The following NTM variants were observed in gnomAD, a reference collection of about 807,000 sequenced individuals.
The protein encoded by NTM is neurotrimin.
A neutral mutation model predicts 42.1 loss-of-function variants in NTM; 13 were observed. That is an observed-to-expected ratio of 0.31 (90% CI 0.20 to 0.49). NTM has a LOEUF of 0.49. Ranked by LOEUF, NTM falls within the 20% of genes least tolerant of loss-of-function variation. The pLI is 0.99. For missense variants in NTM, 373 were observed against 452.8 expected (o/e 0.82, Z 1.60); for synonymous variants, 187 against 179.2 (o/e 1.04, Z -0.35).
At chr11:132,121,772 T>TTC (rs1448011143) in intron 2 of NTM, among the ~76,000 whole-genome samples, 1 of 152,212 alleles carries the variant, frequency 6.6e-6, no homozygotes, top group African/African-American at 2.4e-5. Context: ...GCCAATAGTT[T>TTC]TCATGCATAA....
chr11:132,233,601 T>C, intron 4 of NTM, among the ~76,000 whole-genome samples: 1 of 152,222 alleles, frequency 6.6e-6, no homozygotes, highest in East Asian at 1.9e-4. Context: ...TGTCTCTAAA[T>C]AAAGTTTTAT....
intron 1 of NTM, among the ~76,000 whole-genome samples, chr11:131,886,541 T>C (rs1036433): frequency 0.46 from 70,224 of 152,216 alleles, 17,074 homozygotes; most frequent in East Asian, 0.82. Context: ...TAACTGGGTC[T>C]GAGGCACGCC....
At chr11:132,243,175 C>A (rs1591490422) in intron 4 of NTM, among the ~76,000 whole-genome samples, 2 of 152,258 alleles carry the variant, frequency 1.3e-5, no homozygotes, top group Admixed American at 6.5e-5. Context: ...AGAGCTCTTA[C>A]TAACAAATTA....
chr11:131,400,307 TCTG>T (rs1235517030), intron 1 of NTM, among the ~76,000 whole-genome samples: 3 of 152,200 alleles, frequency 2.0e-5, no homozygotes, highest in African/African-American at 7.2e-5. Flanking sequence ...TTGTGAGGGC[TCTG>T]CTGGGGCTTT....
chr11:132,164,626 C>A (rs115660427), intron 3 of NTM, among the ~76,000 whole-genome samples: 1 of 152,020 alleles, frequency 6.6e-6, no homozygotes, highest in African/African-American at 2.4e-5. Context: ...TGAGGTAGAA[C>A]CAGCATCTAA....
chr11:132,171,175 C>T (rs2076061114), intron 3 of NTM, among the ~76,000 whole-genome samples: 1 of 152,148 alleles, frequency 6.6e-6, no homozygotes, highest in African/African-American at 2.4e-5. Flanking sequence ...GCTGACTTTT[C>T]CCCAGGGCAG....
chr11:131,610,386 G>A (rs2061369901), intron 1 of NTM, among the ~76,000 whole-genome samples: 1 of 152,154 alleles, frequency 6.6e-6, no homozygotes, highest in South Asian at 2.1e-4. Context: ...TTGTTCCTGG[G>A]GCTTTTATTG....
chr11:131,910,162 A>G (rs942565140), intron 1 of NTM: 1 of 152,222 alleles, frequency 6.6e-6, no homozygotes, highest in East Asian at 1.9e-4. Context: ...CGGGTGCTGT[A>G]CTACTGAATA....
chr11:131,636,874 C>T (rs758311515), intron 1 of NTM, among the ~76,000 whole-genome samples: 2 of 152,162 alleles, frequency 1.3e-5, no homozygotes, highest in Admixed American at 6.5e-5. Context: ...TCCTTAACTC[C>T]TCTCCGCTTG....
chr11:131,816,533 G>T (rs1360500599), intron 1 of NTM, among the ~76,000 whole-genome samples: 1 of 122,658 alleles, frequency 8.2e-6, no homozygotes, highest in South Asian at 2.5e-4. Flanking sequence ...CAAGTTCATT[G>T]AATATTAAAG....
chr11:131,797,570 C>A (rs868474624), intron 1 of NTM, among the ~76,000 whole-genome samples: 7 of 152,122 alleles, frequency 4.6e-5, no homozygotes, highest in Non-Finnish European at 8.8e-5. Context: ...CTTTTATGTT[C>A]TTTTGCTGAT....
At chr11:131,983,495 C>T (rs1186866658) in intron 2 of NTM, among the ~76,000 whole-genome samples, 3 of 151,032 alleles carry the variant, frequency 2.0e-5, no homozygotes, top group Non-Finnish European at 4.4e-5. Context: ...CCTACATCAG[C>T]CTCCCAAGTA....
chr11:131,431,381 T>A (rs938737258), intron 1 of NTM, among the ~76,000 whole-genome samples: 3 of 152,236 alleles, frequency 2.0e-5, no homozygotes, highest in Admixed American at 2.0e-4. Context: ...TTAGTTGAGT[T>A]GGTGGGTGGA....
chr11:131,468,055 G>A (rs1187423882), intron 1 of NTM, among the ~76,000 whole-genome samples: 1 of 152,244 alleles, frequency 6.6e-6, no homozygotes, highest in African/African-American at 2.4e-5. Context: ...GGAAAGGGAT[G>A]ACGTAGGGTC....
intron 1 of NTM, among the ~76,000 whole-genome samples, chr11:131,545,385 T>C (rs931773537): frequency 4.6e-5 from 7 of 152,166 alleles, no homozygotes; most frequent in Non-Finnish European, 8.8e-5. Flanking sequence ...CTCTCAGCTT[T>C]CTCATTCTCT....
intron 1 of NTM, among the ~76,000 whole-genome samples, chr11:131,735,495 C>G (rs1167338127): frequency 6.6e-6 from 1 of 152,124 alleles, no homozygotes; most frequent in East Asian, 1.9e-4. Context: ...TGTGAAAAAC[C>G]AGGGGGATGT....
At position 131,694,051 on chromosome 11, in the gene NTM, C is replaced by T. The variant is rs942940433; in HGVS notation, c.83-217513C>T. 7.9e-5 allele frequency among the ~76,000 whole-genome samples: 12 copies of T among 152,312 alleles called. No homozygotes were observed. In the East Asian group the frequency reaches 1.7e-3, roughly 22 times the overall value. On this transcript the variant is annotated intron_variant, in intron 1 of 8. Coordinates refer to ENST00000683400, the MANE Select transcript of NTM (RefSeq NM_001352005.2). ...TGCTTGGTCACCCACCTCTCCCCGA[C>T]TTTCGTTTTCTCCTCTGTCACATGG...
At chr11:131,459,185 T>C (rs1188237456) in intron 1 of NTM, among the ~76,000 whole-genome samples, 1 of 152,258 alleles carries the variant, frequency 6.6e-6, no homozygotes, top group Non-Finnish European at 1.5e-5. Flanking sequence ...CAGCTGCCAT[T>C]CAGGACCTAC....
chr11:131,660,204 A>G (rs1202494631), intron 1 of NTM: 1 of 280,896 alleles, frequency 3.6e-6, no homozygotes, highest in African/African-American at 2.2e-5. Context: ...GCCAGTTTGC[A>G]TCATGTATTG....
Sources: gnomAD v4.1 joint callset for allele counts (sites outside exome capture counted in the v4.1 genomes callset) on GRCh38, gnomAD v4.1.1 for gene constraint, MANE v1.5 for transcripts, NCBI Gene and HGNC (gene_info 2026-07-23, HGNC 2026-07-21) for gene names.